Variants in CCN4 observed in about 807,000 individuals in gnomAD.
CCN4 encodes the protein cellular communication network factor 4, also known as CCN family member 4.
CCN4 carries 30 observed loss-of-function variants against 36.7 expected under a neutral mutation model. That is an observed-to-expected ratio of 0.82 (90% CI 0.61 to 1.11). The LOEUF (loss-of-function observed/expected upper bound fraction) is 1.11. Among genes scored for constraint, CCN4 ranks in the 50% least tolerant of loss-of-function variants. The pLI, the probability that CCN4 is intolerant of heterozygous loss-of-function variation, is 0.00. For missense variants in CCN4, 505 were observed against 504.9 expected, an observed-to-expected ratio of 1.00 and a Z score of 0.00; for synonymous variants, 191 against 195.4, an observed-to-expected ratio of 0.98 and a Z score of 0.19.
rs1394483864 is a variant in CCN4 at position 133,229,522 on chromosome 8, C to A, written c.*1812C>A. 6.6e-6 allele frequency: 1 copy of A among 152,186 alleles called. No individual in the cohort carries two copies. Among genetic ancestry groups the A allele is most frequent in the East Asian group, 1.9e-4 (1 of 5,200 alleles). The allele number at this position is 152,186 out of a possible 1,614,324, so 9.4% of individuals were successfully genotyped here. A position where few individuals can be genotyped will look rare whatever the true frequency, so the allele number is the denominator to read the frequency against. ...CATTTAAAAGATGATTCTGTTTACCCAATGCTGCATATTGAATGTTGTGTA... is the reference window on the plus strand; with the variant it reads ...CATTTAAAAGATGATTCTGTTTACCAAATGCTGCATATTGAATGTTGTGTA... On this transcript the variant is annotated 3_prime_UTR_variant, in exon 5 of 5. Coordinates refer to ENST00000250160, the MANE Select transcript of CCN4 (RefSeq NM_003882.4).
intron 1 of CCN4, among the ~76,000 whole-genome samples, chr8:133,202,510 A>C (rs1853623093): frequency 6.6e-6 from 1 of 152,200 alleles, no homozygotes; most frequent in Admixed American, 6.5e-5. Context: ...CTGGAAAAAA[A>C]ACCTGGCTTC....
At chr8:133,222,082 A>G (rs1854554790) in intron 3 of CCN4, among the ~76,000 whole-genome samples, 1 of 151,552 alleles carries the variant, frequency 6.6e-6, no homozygotes, top group African/African-American at 2.4e-5. Context: ...TGGATAGATG[A>G]CGGACAAATA....
chr8:133,226,651 G>C (rs762705883), intron 4 of CCN4, among the ~76,000 whole-genome samples: 14 of 152,178 alleles, frequency 9.2e-5, no homozygotes, highest in Non-Finnish European at 1.8e-4. Context: ...ACCATTACTG[G>C]ACCACGTAAT....
At chr8:133,220,065 C>T (rs1417374477) in intron 2 of CCN4, among the ~76,000 whole-genome samples, 1 of 152,048 alleles carries the variant, frequency 6.6e-6, no homozygotes, top group Non-Finnish European at 1.5e-5. Context: ...TTCCATATGA[C>T]CTTTCCACAG....
intron 3 of CCN4, 72 bp from the exon 4 acceptor site, chr8:133,225,318 A>G: frequency 6.8e-7 from 1 of 1,465,292 alleles, no homozygotes; most frequent in Non-Finnish European, 9.2e-7. Context: ...CGCAGACCTT[A>G]GTGTGGTGAA....
At chr8:133,205,323 C>T (rs1401668394) in intron 1 of CCN4, among the ~76,000 whole-genome samples, 3 of 152,178 alleles carry the variant, frequency 2.0e-5, no homozygotes, top group Non-Finnish European at 4.4e-5. Context: ...TTTGGAAATC[C>T]CAAGGCTGTT....
rs533902305 is a variant in CCN4 at position 133,201,506 on chromosome 8, TA to T, written c.69+10297del. Among the ~76,000 whole-genome samples, 10 of 152,288 alleles carry T rather than the reference TA, an allele frequency of 6.6e-5. 1 individual carries two copies. The South Asian group carries it at 2.1e-3, about 32-fold the overall frequency. On this transcript the variant is annotated intron_variant, in intron 1 of 4. Coordinates refer to ENST00000250160, the MANE Select transcript of CCN4 (RefSeq NM_003882.4). ...TAGAGACACACTGGAGAATTTCAGG[TA>T]AAATCTCAGGCTGTCTAGGATTCGC...
In CCN4 at chr8:133,229,689, A is replaced by G. The variant is rs1425398192; in HGVS notation, c.*1979A>G. 2.0e-5 allele frequency: 3 copies of G among 152,230 alleles called. No homozygotes were observed. The highest frequency in any genetic ancestry group is 2.9e-5 in the Non-Finnish European group (2 of 68,032). 9.4% of individuals were successfully genotyped at this position (152,230 alleles called of 1,614,324 possible). Reference sequence around the variant, plus strand: ...GTGGTGCTCATTAAATACTTGATGAATACAGGAAGCTGTGCATGTGTTCCT... The same window carrying G: ...GTGGTGCTCATTAAATACTTGATGAGTACAGGAAGCTGTGCATGTGTTCCT... On this transcript the variant is annotated 3_prime_UTR_variant, in exon 5 of 5. Coordinates refer to ENST00000250160, the MANE Select transcript of CCN4 (RefSeq NM_003882.4).
At chr8:133,196,815 A>T (rs1853403838) in intron 1 of CCN4, among the ~76,000 whole-genome samples, 1 of 152,336 alleles carries the variant, frequency 6.6e-6, no homozygotes, top group African/African-American at 2.4e-5. Flanking sequence ...ATAGCAGGGC[A>T]GGGGAATTCC....
intron 2 of CCN4, 69 bp from the exon 3 acceptor site, chr8:133,220,512 C>T (rs1564265001): frequency 6.3e-7 from 1 of 1,576,920 alleles, no homozygotes; most frequent in Non-Finnish European, 8.6e-7. Context: ...CATGGAGCCC[C>T]TATAAAGGCA....
intron 2 of CCN4, among the ~76,000 whole-genome samples, chr8:133,220,125 T>C (rs1235096123): frequency 6.6e-6 from 1 of 151,994 alleles, no homozygotes; most frequent in Non-Finnish European, 1.5e-5. Flanking sequence ...CACTATTGAG[T>C]CCCCAGCACA....
intron 1 of CCN4, among the ~76,000 whole-genome samples, chr8:133,208,161 T>C (rs1853853091): frequency 1.3e-5 from 2 of 152,188 alleles, no homozygotes; most frequent in South Asian, 2.1e-4. Context: ...CCAGTCACTG[T>C]GCAGAAGACA....
chr8:133,216,861 A>C (rs533484538), intron 2 of CCN4, among the ~76,000 whole-genome samples: 85 of 152,364 alleles, frequency 5.6e-4, no homozygotes, highest in African/African-American at 1.8e-3. Flanking sequence ...AAAAATAAAA[A>C]TAAAAGTAAT....
intron 1 of CCN4, among the ~76,000 whole-genome samples, chr8:133,196,527 T>C (rs1407317108): frequency 6.6e-6 from 1 of 152,216 alleles, no homozygotes; most frequent in African/African-American, 2.4e-5. Context: ...TATTGTATTT[T>C]ACTAGATGGT....
chr8:133,229,788 TGC>T lies in CCN4; in HGVS notation c.*2079_*2080del. The T allele has an allele frequency of 6.6e-6, 1 of 152,250 alleles. No individual in the cohort carries two copies. The highest frequency in any genetic ancestry group is 1.9e-4 in the East Asian group (1 of 5,208). 9.4% of individuals were successfully genotyped at this position (152,250 alleles called of 1,614,324 possible). A position where few individuals can be genotyped will look rare whatever the true frequency, so the allele number is the denominator to read the frequency against. On this transcript the variant is annotated 3_prime_UTR_variant, in exon 5 of 5. Transcript: ENST00000250160. ...TTAACAGTCAAAATTTTATATTAAGTGCCTTAGCAAAAGAGACATTTAATATT... is the reference window on the plus strand; with the variant it reads ...TTAACAGTCAAAATTTTATATTAAGTCTTAGCAAAAGAGACATTTAATATT...
intron 1 of CCN4, among the ~76,000 whole-genome samples, chr8:133,200,092 C>G (rs528064887): frequency 6.6e-6 from 1 of 152,266 alleles, no homozygotes; most frequent in African/African-American, 2.4e-5. Context: ...CCTATCTGAG[C>G]CAGGGATCCA....
chr8:133,194,751 G>GGA (rs1853299444), intron 1 of CCN4, among the ~76,000 whole-genome samples: 1 of 116,884 alleles, frequency 8.6e-6, no homozygotes, highest in Non-Finnish European at 1.7e-5. Context: ...GTGTGTTTGT[G>GGA]GGGTATGTGC....
chr8:133,218,980 C>T lies in CCN4; in HGVS notation c.350-1601C>T, dbSNP rs571726367. Among the ~76,000 whole-genome samples, 42 of 152,202 alleles carry T rather than the reference C, an allele frequency of 2.8e-4. 1 individual carries two copies. In the South Asian group the frequency reaches 7.5e-3, roughly 27 times the overall value. The stretch of plus-strand genomic sequence containing the variant: ...CAGCCCCTCTGTCAGTAAGTCCTGG[C>T]AGCTCTCCTTCCAAATCTGTCTGGA... On this transcript the variant is annotated intron_variant, in intron 2 of 4. Coordinates refer to ENST00000250160, the MANE Select transcript of CCN4 (RefSeq NM_003882.4).
chr8:133,199,208 A>G (rs1460327605), intron 1 of CCN4, among the ~76,000 whole-genome samples: 2 of 152,190 alleles, frequency 1.3e-5, no homozygotes, highest in African/African-American at 4.8e-5. Context: ...GAGTCAGGAG[A>G]CTGGGGTCTC....
Sources: gnomAD v4.1 joint callset for allele counts (sites outside exome capture counted in the v4.1 genomes callset) on GRCh38, gnomAD v4.1.1 for gene constraint, MANE v1.5 for transcripts, NCBI Gene and HGNC (gene_info 2026-07-23, HGNC 2026-07-21) for gene names.